The following CDKL2 variants were observed in gnomAD, a reference collection of about 807,000 sequenced individuals.
The protein encoded by CDKL2 is cyclin-dependent kinase-like 2.
CDKL2 carries 64 observed loss-of-function variants against 63.9 expected under a neutral mutation model. That is an observed-to-expected ratio of 1.00 (90% confidence interval 0.82 to 1.23). The LOEUF (loss-of-function observed/expected upper bound fraction) is 1.23, where lower values mean the gene tolerates loss of function less well. CDKL2 is among the 50% of genes most tolerant of loss of function. The pLI is 0.00. For missense variants in CDKL2, 656 were observed against 668.0 expected (o/e 0.98, Z 0.20); for synonymous variants, 211 against 229.2 (o/e 0.92, Z 0.72).
chr4:75,596,175 C>T (rs771277327), intron 10 of CDKL2, 72 bp downstream of exon 10: 5 of 889,824 alleles, frequency 5.6e-6, no homozygotes, highest in Non-Finnish European at 7.3e-6. Flanking sequence ...ACTTCACTAT[C>T]ATATTTAATT....
At chr4:75,595,997 G>A (rs1488201118) in intron 10 of CDKL2, 6 of 339,986 alleles carry the variant, frequency 1.8e-5, no homozygotes, top group African/African-American at 1.1e-4. Context: ...AGGAAGGAAG[G>A]AAGGAAGGAA....
In CDKL2 at chr4:75,607,420, G is replaced by T. The variant is rs1729469788; in HGVS notation, c.364-59C>A. On this transcript the variant is annotated intron_variant, in intron 3 of 13. Coordinates refer to ENST00000307465, the MANE Select transcript of CDKL2 (RefSeq NM_001330724.2). ...TAAAATTAATTATTTTGGGGCACCTGCTATGTGCAGGGCATTGTATGTTGT... is the reference window on the plus strand; with the variant it reads ...TAAAATTAATTATTTTGGGGCACCTTCTATGTGCAGGGCATTGTATGTTGT... The T allele has an allele frequency of 3.0e-6, 4 of 1,336,616 alleles. No individual in the cohort carries two copies. The Admixed American group carries it at 7.3e-5, about 24-fold the overall frequency. 82.8% of individuals were successfully genotyped at this position (1,336,616 alleles called of 1,614,324 possible). A position where few individuals can be genotyped will look rare whatever the true frequency, so the allele number is the denominator to read the frequency against.
At position 75,578,792 on chromosome 4, in the gene CDKL2, G is replaced by T. The variant is rs1728134148; in HGVS notation, c.*410C>A. The T allele has an allele frequency of 1.3e-5, 2 of 152,504 alleles. No individual in the cohort carries two copies. Among genetic ancestry groups the T allele is most frequent in the Non-Finnish European group, 1.5e-5 (1 of 68,002 alleles). The allele number at this position is 152,504 out of a possible 1,614,324, so 9.4% of individuals were successfully genotyped here. On this transcript the variant is annotated 3_prime_UTR_variant, in exon 14 of 14. Coordinates refer to ENST00000307465, the MANE Select transcript of CDKL2 (RefSeq NM_001330724.2). ...CACATTTATACAGAAAACACACAAA[G>T]TTCAATGCATGAGTAACATGGCCTT...
At chr4:75,612,850 A>T (rs1195449089) in intron 3 of CDKL2, among the ~76,000 whole-genome samples, 1 of 152,176 alleles carries the variant, frequency 6.6e-6, no homozygotes, top group African/African-American at 2.4e-5. Context: ...CTGGGCCGGG[A>T]GCGGTGGCTC....
At chr4:75,582,570 A>G (rs1173673634) in intron 12 of CDKL2, among the ~76,000 whole-genome samples, 21 of 152,116 alleles carry the variant, frequency 1.4e-4, no homozygotes, top group Admixed American at 1.4e-3. Flanking sequence ...TACCATACAT[A>G]TCATTAGACT....
In CDKL2 at chr4:75,596,916, T is replaced by A; in HGVS notation, c.1322+19A>T. 6.3e-7 allele frequency: 1 copy of A among 1,582,286 alleles called. No homozygotes were observed. Among genetic ancestry groups the A allele is most frequent in the Non-Finnish European group, 8.6e-7 (1 of 1,159,964 alleles). On this transcript the variant is annotated intron_variant, in intron 9 of 13. Coordinates refer to ENST00000307465, the MANE Select transcript of CDKL2 (RefSeq NM_001330724.2). Reference sequence around the variant, plus strand: ...TATGTCCTTAAACACTTTTTTGATCTTATTTTACTAATTCATACCTGTAAC... The same window carrying A: ...TATGTCCTTAAACACTTTTTTGATCATATTTTACTAATTCATACCTGTAAC...
chr4:75,603,766 T>G (rs1382423625), intron 6 of CDKL2, 51 bp downstream of exon 6: 1 of 1,359,272 alleles, frequency 7.4e-7, no homozygotes, highest in East Asian at 2.5e-5. Flanking sequence ...AAAAAGGTCT[T>G]GATAGTGCAT....
At chr4:75,617,390 G>A (rs1238335584) in intron 2 of CDKL2, among the ~76,000 whole-genome samples, 1 of 152,028 alleles carries the variant, frequency 6.6e-6, no homozygotes, top group Non-Finnish European at 1.5e-5. Context: ...TATGAAATAG[G>A]TACAATTATT....
chr4:75,599,352 A>T (rs1255461985), intron 7 of CDKL2, among the ~76,000 whole-genome samples: 2 of 152,148 alleles, frequency 1.3e-5, no homozygotes, highest in African/African-American at 4.8e-5. Flanking sequence ...ACCTGAGGTC[A>T]GGAGTTCAAG....
intron 3 of CDKL2, among the ~76,000 whole-genome samples, chr4:75,610,739 T>C (rs1057161618): frequency 6.6e-6 from 1 of 152,174 alleles, no homozygotes; most frequent in Non-Finnish European, 1.5e-5. Context: ...ATAGATACAT[T>C]TAAAAATGAA....
chr4:75,590,599 C>T (rs558129852), intron 12 of CDKL2, among the ~76,000 whole-genome samples: 1 of 152,212 alleles, frequency 6.6e-6, no homozygotes, highest in African/African-American at 2.4e-5. Context: ...CCTGTAATCC[C>T]AGCTGATTGG....
chr4:75,617,126 C>T (rs1245198649), intron 2 of CDKL2, among the ~76,000 whole-genome samples: 2 of 152,058 alleles, frequency 1.3e-5, no homozygotes, highest in African/African-American at 4.8e-5. Context: ...AGCTCCAAGT[C>T]ATCAAACCCC....
At chr4:75,623,809 T>C (rs1258595079) in intron 2 of CDKL2, among the ~76,000 whole-genome samples, 1 of 152,086 alleles carries the variant, frequency 6.6e-6, no homozygotes, top group Non-Finnish European at 1.5e-5. Flanking sequence ...CTATACGGTT[T>C]TCACAAGAGA....
chr4:75,620,711 A>C (rs1292382795), intron 2 of CDKL2, among the ~76,000 whole-genome samples: 1 of 152,200 alleles, frequency 6.6e-6, no homozygotes, highest in African/African-American at 2.4e-5. Flanking sequence ...GAAGACTAAG[A>C]GGATCAGTAG....
At chr4:75,609,358 G>A (rs1026991848) in intron 3 of CDKL2, among the ~76,000 whole-genome samples, 3 of 151,966 alleles carry the variant, frequency 2.0e-5, no homozygotes, top group African/African-American at 7.2e-5. Flanking sequence ...TGTAATCCCA[G>A]CACTTTGGGA....
intron 8 of CDKL2, 65 bp downstream of exon 8, chr4:75,598,012 T>C: frequency 1.7e-6 from 2 of 1,145,300 alleles, no homozygotes; most frequent in East Asian, 6.1e-5. Flanking sequence ...CAAAATCATA[T>C]TTTTTCTCAA....
chr4:75,609,956 C>G (rs1244956329), intron 3 of CDKL2, among the ~76,000 whole-genome samples: 1 of 151,756 alleles, frequency 6.6e-6, no homozygotes, highest in African/African-American at 2.4e-5. Flanking sequence ...GTAATCCCAG[C>G]ACTTTGGGAG....
In CDKL2 at chr4:75,600,611, C is replaced by G. The variant is rs534239522; in HGVS notation, c.796-242G>C. The stretch of plus-strand genomic sequence containing the variant: ...AGTAGCTGGGACCACAGGTGCACAC[C>G]ACCACACCCAGCTAATTTTTGTATT... On this transcript the variant is annotated intron_variant, in intron 6 of 13. Coordinates refer to ENST00000307465, the MANE Select transcript of CDKL2 (RefSeq NM_001330724.2). 1.1e-4 allele frequency among the ~76,000 whole-genome samples: 16 copies of G among 152,100 alleles called. No homozygotes were observed. In the East Asian group the frequency reaches 2.9e-3, roughly 27 times the overall value.
intron 7 of CDKL2, among the ~76,000 whole-genome samples, chr4:75,599,615 A>G (rs1729100030): frequency 6.7e-6 from 1 of 150,250 alleles, no homozygotes; most frequent in South Asian, 2.1e-4. Context: ...GAGTTTTGGT[A>G]TAGAATCAAA....
Sources: allele counts gnomAD v4.1 joint callset (sites outside exome capture counted in the v4.1 genomes callset), GRCh38; gene constraint gnomAD v4.1.1; transcripts MANE v1.5; gene names NCBI Gene and HGNC (gene_info 2026-07-23, HGNC 2026-07-21).